MYO1E: variants seen among roughly 807,000 people sequenced by gnomAD.
MYO1E encodes the protein unconventional myosin-Ie.
MYO1E carries 68 observed loss-of-function variants against 151.1 expected under a neutral mutation model. That is an observed-to-expected ratio of 0.45 (90% CI 0.37 to 0.55). The LOEUF (loss-of-function observed/expected upper bound fraction) is 0.55, where lower values mean the gene tolerates loss of function less well. MYO1E is among the 20% of genes least tolerant of loss of function. MYO1E has a pLI of 0.00. For synonymous variants in MYO1E, 601 were observed against 501.7 expected, an observed-to-expected ratio of 1.20 and a Z score of -2.64; for missense variants, 1,363 against 1,389.3, an observed-to-expected ratio of 0.98 and a Z score of 0.30.
At chr15:59,236,420 AAAC>A (rs2080066779) in intron 5 of MYO1E, among the ~76,000 whole-genome samples, 162 bp downstream of exon 5, 1 of 144,414 alleles carries the variant, frequency 6.9e-6, no homozygotes, top group South Asian at 2.2e-4. Flanking sequence ...ACACACACAC[AAAC>A]ACACATACAT....
chr15:59,155,461 C>A (rs575713722), intron 25 of MYO1E, among the ~76,000 whole-genome samples: 1 of 152,284 alleles, frequency 6.6e-6, no homozygotes, highest in South Asian at 2.1e-4. Context: ...TTGAGAAGTG[C>A]TGGTCAAATG....
chr15:59,224,593 G>A (rs1268862108), intron 8 of MYO1E, 96 bp downstream of exon 8: 12 of 1,498,422 alleles, frequency 8.0e-6, no homozygotes, highest in Middle Eastern at 4.4e-4. Context: ...GACATTTCAT[G>A]CAGCTCTTTG....
chr15:59,133,199 G>C lies in MYO1E; in HGVS notation c.*4181C>G, dbSNP rs769175651. ...GCTTTGAGACCAGCTGGGCAACACA[G>C]GGAGACCCCATCTGTACAAATAATT... is the stretch of plus-strand genomic sequence containing the variant. On this transcript the variant is annotated 3_prime_UTR_variant, in exon 28 of 28. Coordinates refer to ENST00000288235, the MANE Select transcript of MYO1E (RefSeq NM_004998.4). The C allele has an allele frequency of 6.6e-6, 1 of 152,190 alleles. No homozygotes were observed. The highest frequency in any genetic ancestry group is 1.5e-5 in the Non-Finnish European group (1 of 68,060). The allele number at this position is 152,190 out of a possible 1,614,324, so 9.4% of individuals were successfully genotyped here.
chr15:59,193,080 C>T (rs2079743952), intron 17 of MYO1E, among the ~76,000 whole-genome samples: 1 of 152,186 alleles, frequency 6.6e-6, no homozygotes, highest in Non-Finnish European at 1.5e-5. Context: ...TAGTTCTTTG[C>T]TCTAGATCAG....
rs1373214587 is a variant in MYO1E at position 59,133,680 on chromosome 15, AG to A, written c.*3699del. ...GGTCTTTCTTTTGATCACAAAAGTG[AG>A]GGGTGCCAGAAACACAGAGTTAAAT... On this transcript the variant is annotated 3_prime_UTR_variant, in exon 28 of 28. Coordinates refer to ENST00000288235, the MANE Select transcript of MYO1E (RefSeq NM_004998.4). 1 of 152,222 alleles carries A rather than the reference AG, an allele frequency of 6.6e-6. No homozygotes were observed. Among genetic ancestry groups the A allele is most frequent in the Non-Finnish European group, 1.5e-5 (1 of 68,060 alleles). The allele number at this position is 152,222 out of a possible 1,614,324, so 9.4% of individuals were successfully genotyped here. A position where few individuals can be genotyped will look rare whatever the true frequency, so the allele number is the denominator to read the frequency against.
chr15:59,147,100 G>A (rs1225854400), intron 26 of MYO1E, among the ~76,000 whole-genome samples: 3 of 152,122 alleles, frequency 2.0e-5, no homozygotes, highest in Non-Finnish European at 2.9e-5. Context: ...TACTTGCCCC[G>A]AGACATTTGG....
intron 1 of MYO1E, among the ~76,000 whole-genome samples, chr15:59,291,291 G>C (rs1160043226): frequency 1.3e-5 from 2 of 152,034 alleles, no homozygotes; most frequent in Admixed American, 6.6e-5. Flanking sequence ...CCTTTCCTTG[G>C]AGTTGGACCA....
intron 20 of MYO1E, 99 bp downstream of exon 20, chr15:59,174,027 G>C (rs1219910118): frequency 6.8e-7 from 1 of 1,478,166 alleles, no homozygotes; most frequent in African/African-American, 1.4e-5. Flanking sequence ...TTTTTAGCGT[G>C]ACATTATATG....
chr15:59,302,943 C>T (rs1039027626), intron 1 of MYO1E, among the ~76,000 whole-genome samples: 6 of 152,184 alleles, frequency 3.9e-5, no homozygotes, highest in African/African-American at 1.4e-4. Flanking sequence ...AATACAATCT[C>T]TTAGGCCAAG....
At chr15:59,314,349 T>C (rs530356580) in intron 1 of MYO1E, among the ~76,000 whole-genome samples, 3 of 152,328 alleles carry the variant, frequency 2.0e-5, no homozygotes, top group South Asian at 2.1e-4. Flanking sequence ...TGTTATACTA[T>C]TGATAGTTAT....
chr15:59,191,426 T>A (rs1473381067), intron 17 of MYO1E, among the ~76,000 whole-genome samples: 2 of 151,058 alleles, frequency 1.3e-5, no homozygotes, highest in Non-Finnish European at 2.9e-5. Flanking sequence ...TAATTTTCCT[T>A]TCTCTCACCC....
intron 4 of MYO1E, among the ~76,000 whole-genome samples, chr15:59,245,216 G>A (rs1044148149): frequency 1.4e-4 from 22 of 152,238 alleles, no homozygotes; most frequent in African/African-American, 4.6e-4. Flanking sequence ...AAGGCAGGAA[G>A]ATAGCTTGAG....
At chr15:59,354,143 T>C (rs1159156991) in intron 1 of MYO1E, among the ~76,000 whole-genome samples, 4 of 152,134 alleles carry the variant, frequency 2.6e-5, no homozygotes, top group Admixed American at 2.6e-4. Context: ...ACAATACAGT[T>C]GAAAAAAGTT....
intron 1 of MYO1E, among the ~76,000 whole-genome samples, chr15:59,345,515 C>T (rs1202616519): frequency 6.6e-6 from 1 of 152,186 alleles, no homozygotes; most frequent in Non-Finnish European, 1.5e-5. Flanking sequence ...TACTATATTG[C>T]CCAGCTTTAC....
intron 1 of MYO1E, among the ~76,000 whole-genome samples, chr15:59,349,056 G>A (rs1354244637): frequency 2.6e-5 from 4 of 152,104 alleles, no homozygotes; most frequent in African/African-American, 4.8e-5. Flanking sequence ...TGACTATCTG[G>A]GAAGGCTTGG....
intron 3 of MYO1E, among the ~76,000 whole-genome samples, chr15:59,258,954 G>GTTTTTTTTTTT (rs201872129): frequency 6.7e-6 from 1 of 148,648 alleles, no homozygotes. Flanking sequence ...CCCCTCTCTT[G>GTTTTTTTTTTT]TTTTTTTTTG....
intron 16 of MYO1E, among the ~76,000 whole-genome samples, chr15:59,200,035 A>T (rs765333847): frequency 2.6e-5 from 4 of 152,116 alleles, no homozygotes; most frequent in Non-Finnish European, 5.9e-5. Flanking sequence ...TCCCTAGACA[A>T]GGGCCTGAGA....
intron 26 of MYO1E, among the ~76,000 whole-genome samples, chr15:59,151,226 G>C (rs532865430): frequency 4.0e-5 from 6 of 151,804 alleles, no homozygotes; most frequent in Admixed American, 3.3e-4. Context: ...AAGAGATCGA[G>C]ACCATCCTGG....
chr15:59,171,991 G>C lies in MYO1E; in HGVS notation c.2386C>G (p.Arg796Gly). 6.2e-7 allele frequency: 1 copy of C among 1,614,104 alleles called. No individual in the cohort carries two copies. Among genetic ancestry groups the C allele is most frequent in the Non-Finnish European group, 8.5e-7 (1 of 1,180,008 alleles). Residue 796 changes from arginine (R) to glycine (G), a missense_variant, in exon 22 of 28, where the codon CGA (arginine) becomes GGA (glycine). Physicochemically the swap from Arg to Gly is moderately radical, Grantham distance 125 (BLOSUM62 -2). Coordinates refer to ENST00000288235, the MANE Select transcript of MYO1E (RefSeq NM_004998.4). ...TCTGGGCCCTGTTTGACTTTTTCTC[G>C]TCCGATTAAGTACAAGCACTTTGGG... ...LTPKCLYLIG[R>G]EKVKQGPDKG...
Sources: gnomAD v4.1 joint callset for allele counts (sites outside exome capture counted in the v4.1 genomes callset) on GRCh38, gnomAD v4.1.1 for gene constraint, MANE v1.5 for transcripts, NCBI Gene and HGNC (gene_info 2026-07-23, HGNC 2026-07-21) for gene names.